RB1: variants seen among roughly 807,000 people sequenced by gnomAD.
RB1 encodes the protein retinoblastoma-associated protein.
RB1 carries 18 observed loss-of-function variants against 135.4 expected under a neutral mutation model. That is an observed-to-expected ratio of 0.13 (90% confidence interval 0.09 to 0.20). The LOEUF is 0.20. Among genes scored for constraint, RB1 ranks in the 10% least tolerant of loss-of-function variants. The pLI, the probability that RB1 is intolerant of heterozygous loss-of-function variation, is 1.00. For synonymous variants in RB1, 365 were observed against 373.2 expected (o/e 0.98, Z 0.25); for missense variants, 868 against 1,110.0 (o/e 0.78, Z 3.10).
intron 18 of RB1, 109 bp downstream of exon 18, chr13:48,453,220 G>A (rs1157912714): frequency 1.8e-6 from 2 of 1,130,846 alleles, no homozygotes; most frequent in Non-Finnish European, 2.6e-6. Context: ...TTTTGAATAA[G>A]AATAGTTTCT....
intron 20 of RB1, among the ~76,000 whole-genome samples, chr13:48,462,434 T>TTTTTGTCTTG (rs1195016011): frequency 5.3e-5 from 8 of 152,234 alleles, no homozygotes; most frequent in African/African-American, 1.9e-4. Flanking sequence ...CTGCTCATTT[T>TTTTTGTCTTG]TTAATAGAGT....
At chr13:48,411,727 CA>C in intron 17 of RB1, 1 of 1,607,330 alleles carries the variant, frequency 6.2e-7, no homozygotes, top group South Asian at 1.1e-5. Flanking sequence ...ATCAAATGTA[CA>C]AAAATCATTT....
intron 18 of RB1, among the ~76,000 whole-genome samples, chr13:48,453,761 G>A (rs965340880): frequency 1.3e-5 from 2 of 152,114 alleles, no homozygotes; most frequent in African/African-American, 4.8e-5. Context: ...AAAGGGTATG[G>A]TAATCCACAT....
At chr13:48,475,227 T>C (rs1368090136) in intron 24 of RB1, among the ~76,000 whole-genome samples, 2 of 152,194 alleles carry the variant, frequency 1.3e-5, no homozygotes, top group Non-Finnish European at 2.9e-5. Flanking sequence ...TGTTGCTACA[T>C]AATACATTAC....
intron 7 of RB1, among the ~76,000 whole-genome samples, chr13:48,362,412 A>G (rs1357312070): frequency 6.6e-6 from 1 of 152,022 alleles, no homozygotes; most frequent in East Asian, 1.9e-4. Context: ...ACTAAAACTT[A>G]AAATATTGTT....
At chr13:48,404,085 T>C (rs189151043) in intron 17 of RB1, 131 of 152,300 alleles carry the variant, frequency 8.6e-4, no homozygotes, top group African/African-American at 3.1e-3. Flanking sequence ...CTAAGCTTGG[T>C]ATGCAGAGTT....
At chr13:48,304,929 A>C (rs984154939) in intron 1 of RB1, among the ~76,000 whole-genome samples, 2 of 152,124 alleles carry the variant, frequency 1.3e-5, no homozygotes, top group East Asian at 3.8e-4. Context: ...GCGCAAATGG[A>C]AATTTTCGTT....
At chr13:48,454,657 T>C (rs1169357906) in intron 18 of RB1, among the ~76,000 whole-genome samples, 1 of 152,134 alleles carries the variant, frequency 6.6e-6, no homozygotes, top group African/African-American at 2.4e-5. Context: ...CAGAGTGGTG[T>C]GAAAGAGAGA....
At chr13:48,320,553 CG>C (rs1952226027) in intron 2 of RB1, 4 of 474,560 alleles carry the variant, frequency 8.4e-6, no homozygotes, top group Non-Finnish European at 3.8e-6. Context: ...AGGTTGGCAG[CG>C]GGGTGCAGTG....
intron 2 of RB1, among the ~76,000 whole-genome samples, chr13:48,323,283 C>A (rs1484681290): frequency 6.6e-6 from 1 of 152,062 alleles, no homozygotes; most frequent in African/African-American, 2.4e-5. Flanking sequence ...TCTACCTCAT[C>A]TAAGTTACCT....
At chr13:48,471,589 A>G (rs1949471019) in intron 23 of RB1, among the ~76,000 whole-genome samples, 3 of 150,706 alleles carry the variant, frequency 2.0e-5, no homozygotes, top group African/African-American at 7.3e-5. Flanking sequence ...AAAAAAAAAG[A>G]AAATCTATTT....
intron 19 of RB1, among the ~76,000 whole-genome samples, chr13:48,457,690 C>T (rs1230443693): frequency 1.3e-5 from 2 of 152,250 alleles, no homozygotes; most frequent in Non-Finnish European, 2.9e-5. Context: ...CGGCTTCCCC[C>T]CCGTGCTCGT....
chr13:48,424,255 G>A (rs1414155566), intron 17 of RB1: 1 of 152,130 alleles, frequency 6.6e-6, no homozygotes, highest in African/African-American at 2.4e-5. Flanking sequence ...TTCTAGACTA[G>A]TATTACCATA....
intron 2 of RB1, among the ~76,000 whole-genome samples, chr13:48,331,842 CTAAG>C (rs1256720185): frequency 2.0e-5 from 3 of 152,150 alleles, no homozygotes; most frequent in Non-Finnish European, 4.4e-5. Context: ...TGGAAACAAC[CTAAG>C]TGTCTGTCAT....
chr13:48,476,897 C>T (rs1593547336), intron 25 of RB1, 54 bp downstream of exon 25: 2 of 1,595,206 alleles, frequency 1.3e-6, no homozygotes, highest in East Asian at 2.2e-5. Flanking sequence ...TCTGGGGAAT[C>T]CAGAGTCTCA....
chr13:48,436,445 C>A (rs1028218885), intron 17 of RB1, among the ~76,000 whole-genome samples: 10 of 152,136 alleles, frequency 6.6e-5, no homozygotes, highest in African/African-American at 2.2e-4. Flanking sequence ...AAGTTCGAGA[C>A]CAGCCTGGCC....
intron 17 of RB1, among the ~76,000 whole-genome samples, chr13:48,443,077 G>A (rs1949253724): frequency 6.6e-6 from 1 of 151,750 alleles, no homozygotes; most frequent in Non-Finnish European, 1.5e-5. Flanking sequence ...ATTTTAAAAT[G>A]TGTTTGTTCA....
intron 2 of RB1, chr13:48,328,276 T>G: frequency 1.3e-6 from 2 of 1,582,234 alleles, no homozygotes; most frequent in South Asian, 2.2e-5. Context: ...TCATCTTCAT[T>G]AAAAGCTGCT....
At chr13:48,368,885 A>C (rs1405265679) in intron 11 of RB1, among the ~76,000 whole-genome samples, 5 of 152,116 alleles carry the variant, frequency 3.3e-5, no homozygotes, top group Non-Finnish European at 7.4e-5. Context: ...GTGTGCCTGT[A>C]ATCCCAGCTG....
Sources: gnomAD v4.1 joint callset for allele counts (sites outside exome capture counted in the v4.1 genomes callset) on GRCh38, gnomAD v4.1.1 for gene constraint, MANE v1.5 for transcripts, NCBI Gene and HGNC (gene_info 2026-07-23, HGNC 2026-07-21) for gene names.